The following ABCA10 variants were observed in gnomAD, a reference collection of about 807,000 sequenced individuals.
ABCA10 encodes ATP-binding cassette sub-family A member 10.
ABCA10 carries 169 observed loss-of-function variants against 187.5 expected under a neutral mutation model. The observed-to-expected ratio is 0.90, with a 90% confidence interval of 0.80 to 1.02. The LOEUF (loss-of-function observed/expected upper bound fraction) is 1.02. ABCA10 is among the 50% of genes least tolerant of loss of function. The probability of loss-of-function intolerance (pLI) is 0.00; values close to 1 mark genes in which losing one functional copy is unlikely to be tolerated. For synonymous variants in ABCA10, 574 were observed against 601.8 expected, an observed-to-expected ratio of 0.95 and a Z score of 0.68; for missense variants, 1,727 against 1,812.4, an observed-to-expected ratio of 0.95 and a Z score of 0.86.
At chr17:69,175,817 C>G (rs2074330502) in intron 22 of ABCA10, 1 of 187,140 alleles carries the variant, frequency 5.3e-6, no homozygotes, top group African/African-American at 2.4e-5. Flanking sequence ...AAACCCTATA[C>G]ATAATATGTT....
intron 1 of ABCA10, among the ~76,000 whole-genome samples, chr17:69,238,803 T>C (rs2074887262): frequency 6.6e-6 from 1 of 152,194 alleles, no homozygotes; most frequent in Admixed American, 6.5e-5. Flanking sequence ...GTACAAAAAC[T>C]GGCTCAGATC....
At chr17:69,211,331 A>ATGTG (rs1568070290) in intron 9 of ABCA10, among the ~76,000 whole-genome samples, 1 of 118,300 alleles carries the variant, frequency 8.5e-6, no homozygotes, top group Non-Finnish European at 1.6e-5. Flanking sequence ...ATATATATAT[A>ATGTG]TATATATATA....
At chr17:69,165,695 A>G (rs2074249598) in intron 25 of ABCA10, among the ~76,000 whole-genome samples, 1 of 152,180 alleles carries the variant, frequency 6.6e-6, no homozygotes, top group Non-Finnish European at 1.5e-5. Flanking sequence ...TCCAAAGAGT[A>G]TATACAGTTA....
chr17:69,179,235 C>T (rs563255791), intron 22 of ABCA10, among the ~76,000 whole-genome samples: 2 of 151,844 alleles, frequency 1.3e-5, no homozygotes, highest in South Asian at 2.1e-4. Context: ...ATCTGAACCT[C>T]GTCAAAAGGG....
At chr17:69,177,511 C>T (rs1182528915) in intron 22 of ABCA10, among the ~76,000 whole-genome samples, 1 of 152,130 alleles carries the variant, frequency 6.6e-6, no homozygotes, top group African/African-American at 2.4e-5. Context: ...AGGCAGAGTT[C>T]TAATATAGGC....
intron 1 of ABCA10, among the ~76,000 whole-genome samples, chr17:69,236,571 A>G (rs962384505): frequency 6.6e-5 from 10 of 152,246 alleles, no homozygotes; most frequent in Non-Finnish European, 1.5e-4. Flanking sequence ...ACCTCCTTTC[A>G]GCACTGAGTA....
At chr17:69,153,653 T>G (rs1238448007) in intron 32 of ABCA10, 107 bp from the exon 33 acceptor site, 20 of 1,472,396 alleles carry the variant, frequency 1.4e-5, no homozygotes, top group African/African-American at 7.1e-5. Flanking sequence ...AAATTTAAGC[T>G]TCCTTAACGT....
At chr17:69,243,800 A>G (rs948180943) in intron 1 of ABCA10, among the ~76,000 whole-genome samples, 3 of 152,214 alleles carry the variant, frequency 2.0e-5, no homozygotes, top group African/African-American at 7.2e-5. Context: ...CAGGAGGCTG[A>G]GGTGGGAGGA....
intron 19 of ABCA10, among the ~76,000 whole-genome samples, chr17:69,187,266 G>A (rs796459312): frequency 5.9e-5 from 9 of 152,044 alleles, no homozygotes; most frequent in African/African-American, 1.7e-4. Flanking sequence ...TACCAACTGC[G>A]CTTGAATTTG....
At chr17:69,214,909 AT>A (rs77351592) in intron 8 of ABCA10, 58 bp from the exon 9 acceptor site, 23 of 1,295,938 alleles carry the variant, frequency 1.8e-5, no homozygotes, top group South Asian at 4.9e-5. Context: ...AAATAAAACA[AT>A]TTTTTTTAAA....
In ABCA10 at chr17:69,174,669, G is replaced by T. The variant is rs745575512; in HGVS notation, c.2986C>A (p.His996Asn). Residue 996 changes from histidine (H) to asparagine (N), a missense_variant, in exon 24 of 39, where the codon CAT (histidine) becomes AAT (asparagine). Physicochemically the swap from His to Asn is moderately conservative, Grantham distance 68 (BLOSUM62 1). Transcript: ENST00000690296. ...AGAAATATGAAGTAGTAAATTAAAT[G>T]TATTGAAAAGAGAATCAAGAAGTAT... Reference protein sequence around the residue: ...PLYFLILFSIHLIYYFIFLGF... With the variant: ...PLYFLILFSINLIYYFIFLGF... 6.2e-7 allele frequency: 1 copy of T among 1,611,766 alleles called. No homozygotes were observed. Among genetic ancestry groups the T allele is most frequent in the South Asian group, 1.1e-5 (1 of 90,790 alleles).
chr17:69,179,021 A>G (rs977980318), intron 22 of ABCA10: 5 of 152,084 alleles, frequency 3.3e-5, no homozygotes, highest in Admixed American at 2.0e-4. Context: ...GCAAGAGAAG[A>G]AGGTTATGTA....
intron 29 of ABCA10, 110 bp from the exon 30 acceptor site, chr17:69,155,246 G>C: frequency 2.5e-6 from 2 of 788,192 alleles, no homozygotes; most frequent in Non-Finnish European, 4.1e-6. Context: ...TTAATGCCAG[G>C]CTGAAGAGCT....
At chr17:69,211,301 ACAT>A (rs2074648043) in intron 9 of ABCA10, among the ~76,000 whole-genome samples, 1 of 48,706 alleles carries the variant, frequency 2.1e-5, no homozygotes. Flanking sequence ...TCATATATAT[ACAT>A]CATATATATG....
At position 69,192,649 on chromosome 17, in the gene ABCA10, C is replaced by T. The variant is rs760024110; in HGVS notation, c.1785G>A (p.Arg595=). 4 of 1,611,860 alleles carry T rather than the reference C, an allele frequency of 2.5e-6. No individual in the cohort carries two copies. The highest frequency in any genetic ancestry group is 1.7e-5 in the Admixed American group (1 of 59,840). The change falls in exon 16 of 39, where the codon AGG becomes AGA. Residue 595 remains arginine (R), a synonymous_variant. Coordinates refer to ENST00000690296, the MANE Select transcript of ABCA10 (RefSeq NM_001377321.1). Reference sequence around the variant, plus strand: ...ACTTCCCATTAGACAGAAATACTTTCCTATCTGAGTAGAAAGGAAGATTCA... The same window carrying T: ...ACTTCCCATTAGACAGAAATACTTTTCTATCTGAGTAGAAAGGAAGATTCA... ...FMDEADILAD[R]KVFLSNGKLK...
chr17:69,237,696 T>C (rs187243665), intron 1 of ABCA10, among the ~76,000 whole-genome samples: 125 of 152,268 alleles, frequency 8.2e-4, no homozygotes, highest in African/African-American at 2.9e-3. Context: ...TAGGTGACTG[T>C]ATTTAGAAAA....
At chr17:69,183,953 AAAGG>A in intron 20 of ABCA10, among the ~76,000 whole-genome samples, 1 of 152,228 alleles carries the variant, frequency 6.6e-6, no homozygotes. Flanking sequence ...TTGCTTTCTC[AAAGG>A]GAGTCTTGTA....
rs377666587 is a variant in ABCA10 at position 69,242,352 on chromosome 17, T to C, written c.-593+2177A>G. Among the ~76,000 whole-genome samples, 4 of 152,292 alleles carry C rather than the reference T, an allele frequency of 2.6e-5. No homozygotes were observed. The East Asian group carries it at 5.8e-4, about 22-fold the overall frequency. On this transcript the variant is annotated intron_variant, in intron 1 of 39. Coordinates refer to the ABCA10 transcript ENST00000269081. ...TAGATAAGGTGAACCAAAACAATAA[T>C]GGTATTATTCTGTCAGTAAAATGAC... is the stretch of plus-strand genomic sequence containing the variant.
At chr17:69,187,183 C>A (rs976641665) in intron 19 of ABCA10, among the ~76,000 whole-genome samples, 14 of 152,112 alleles carry the variant, frequency 9.2e-5, no homozygotes, top group South Asian at 2.1e-4. Context: ...CAGCTGAAAC[C>A]AATATGGCCA....
Sources: allele counts gnomAD v4.1 joint callset (sites outside exome capture counted in the v4.1 genomes callset), GRCh38; gene constraint gnomAD v4.1.1; transcripts MANE v1.5; gene names NCBI Gene and HGNC (gene_info 2026-07-23, HGNC 2026-07-21).